Variants in DOCK10 observed in about 807,000 individuals in gnomAD.
DOCK10 encodes dedicator of cytokinesis protein 10.
DOCK10 carries 145 observed loss-of-function variants against 280.1 expected under a neutral mutation model. The ratio of observed to expected loss-of-function variants is 0.52; its 90% CI spans 0.45 to 0.59. DOCK10 has a LOEUF of 0.59. Ranked by LOEUF, DOCK10 falls within the 20% of genes least tolerant of loss-of-function variation. The probability of loss-of-function intolerance (pLI) is 0.00; values close to 1 mark genes in which losing one functional copy is unlikely to be tolerated. For missense variants in DOCK10, 2,368 were observed against 2,651.7 expected, an observed-to-expected ratio of 0.89 and a Z score of 2.35; for synonymous variants, 915 against 942.2, an observed-to-expected ratio of 0.97 and a Z score of 0.53.
At position 224,856,878 on chromosome 2, in the gene DOCK10, A is replaced by T; in HGVS notation, c.1790T>A (p.Leu597Gln). Residue 597 changes from leucine (L) to glutamine (Q), a missense_variant, in exon 15 of 56, where the codon CTA becomes CAA. By Grantham distance (113) the Leu-to-Gln change is moderately radical (BLOSUM62 -2). Around this residue, in one of 2 missense-constraint regions of DOCK10, gnomAD observed 1,209 missense variants for 1,250.9 expected, o/e 0.97. Coordinates refer to ENST00000258390, the MANE Select transcript of DOCK10 (RefSeq NM_014689.3). ...SKISTEDLVK[L>Q]VSDYRRADRI... is the part of the protein sequence containing the mutation. ...AACATACCTTCTATAATCTGATACT[A>T]GTTTAACTAGGTCCTCAGTTGAAAT... The T allele has an allele frequency of 6.2e-7, 1 of 1,611,098 alleles. No individual in the cohort carries two copies. The highest frequency in any genetic ancestry group is 8.5e-7 in the Non-Finnish European group (1 of 1,178,026).
At chr2:224,908,012 T>A (rs1700762615) in intron 3 of DOCK10, among the ~76,000 whole-genome samples, 1 of 152,178 alleles carries the variant, frequency 6.6e-6, no homozygotes. Flanking sequence ...AAGACAGTCT[T>A]GATGGATATT....
chr2:224,988,638 T>C (rs1706039516), intron 1 of DOCK10, among the ~76,000 whole-genome samples: 1 of 152,096 alleles, frequency 6.6e-6, no homozygotes. Flanking sequence ...CCCTGGAAAA[T>C]TCCCTTTGAG....
At chr2:224,800,084 G>C (rs894649513) in intron 41 of DOCK10, 67 bp downstream of exon 41, 10 of 907,914 alleles carry the variant, frequency 1.1e-5, no homozygotes, top group Non-Finnish European at 1.7e-5. Context: ...CCATGTTTTT[G>C]ACTTCACATG....
At chr2:224,860,182 C>T (rs772973867) in intron 14 of DOCK10, among the ~76,000 whole-genome samples, 5 of 152,170 alleles carry the variant, frequency 3.3e-5, no homozygotes, top group Non-Finnish European at 7.4e-5. Context: ...CTAGAGACTT[C>T]ATCTGTCTTT....
At chr2:224,959,221 T>C (rs1042706490) in intron 1 of DOCK10, among the ~76,000 whole-genome samples, 1 of 152,162 alleles carries the variant, frequency 6.6e-6, no homozygotes, top group Admixed American at 6.5e-5. Flanking sequence ...GAGGAGAGCA[T>C]TGGATGGCAT....
chr2:224,820,386 A>T (rs937712237), intron 28 of DOCK10, among the ~76,000 whole-genome samples: 1 of 152,234 alleles, frequency 6.6e-6, no homozygotes, highest in African/African-American at 2.4e-5. Context: ...GGAAGGGACC[A>T]TAGTTCCCAA....
chr2:224,917,099 A>ATTTTTTTTT (rs1559754057), intron 2 of DOCK10, among the ~76,000 whole-genome samples: 43 of 60,242 alleles, frequency 7.1e-4, no homozygotes, highest in South Asian at 1.2e-3. Flanking sequence ...TTCTATTGGA[A>ATTTTTTTTT]TCTTTTTTTT....
chr2:225,019,238 T>C (rs1489203703), intron 1 of DOCK10, among the ~76,000 whole-genome samples: 1 of 151,990 alleles, frequency 6.6e-6, no homozygotes, highest in African/African-American at 2.4e-5. Flanking sequence ...CGCTATCCTG[T>C]GTGGGATCTT....
At chr2:225,009,212 T>G (rs959192752) in intron 1 of DOCK10, among the ~76,000 whole-genome samples, 2 of 152,164 alleles carry the variant, frequency 1.3e-5, no homozygotes, top group African/African-American at 4.8e-5. Flanking sequence ...ATTTTATGTC[T>G]TCACAAAAAG....
Position 224,770,619 on chromosome 2 carries a change from T to C in DOCK10, c.6231A>G (p.Ala2077=), listed in dbSNP as rs781352125. Residue 2077 remains alanine (A), a synonymous_variant, in exon 54 of 56, where the codon GCA becomes GCG. Coordinates refer to ENST00000258390, the MANE Select transcript of DOCK10 (RefSeq NM_014689.3). The surrounding 1 kb of genome is among the most constrained non-coding windows in gnomAD (Gnocchi z 4.5). ...CATTGGTTTCTTCAAGAAAAGCTCG[T>C]GCATAGGCCATTGGCCCAGCATTAA... ...VKVNAGPMAY[A]RAFLEETNAK... is the part of the protein sequence containing the mutation. 4 of 1,613,946 alleles carry C rather than the reference T, an allele frequency of 2.5e-6. 1 individual carries two copies. The highest frequency in any genetic ancestry group is 1.6e-4 in the Middle Eastern group (1 of 6,062).
intron 3 of DOCK10, among the ~76,000 whole-genome samples, chr2:224,912,613 A>C (rs1484398203): frequency 2.0e-5 from 3 of 152,176 alleles, no homozygotes; most frequent in African/African-American, 7.2e-5. Flanking sequence ...TGATGTGTGC[A>C]TTCTTTTATA....
chr2:224,772,413 C>T (rs1003895943), intron 53 of DOCK10, among the ~76,000 whole-genome samples: 4 of 152,162 alleles, frequency 2.6e-5, no homozygotes, highest in Admixed American at 6.5e-5. Flanking sequence ...GTGCCTTACT[C>T]ACCTCACCTG....
At chr2:225,026,131 G>A (rs1689915166) in intron 1 of DOCK10, among the ~76,000 whole-genome samples, 1 of 152,122 alleles carries the variant, frequency 6.6e-6, no homozygotes, top group Non-Finnish European at 1.5e-5. Flanking sequence ...ACGGGCCTGA[G>A]TGGCATCCTT....
chr2:224,894,241 T>C (rs1699860312), intron 4 of DOCK10, among the ~76,000 whole-genome samples: 2 of 152,226 alleles, frequency 1.3e-5, no homozygotes, highest in African/African-American at 4.8e-5. Flanking sequence ...TGGTTTTTTC[T>C]AGAGATGCTT....
At chr2:224,845,706 C>T (rs1363411305) in intron 19 of DOCK10, 64 bp from the exon 20 acceptor site, 12 of 1,440,444 alleles carry the variant, frequency 8.3e-6, no homozygotes, top group South Asian at 6.4e-5. Context: ...CAGAGCAAGA[C>T]AAAGCATAGC....
chr2:224,853,168 T>C lies in DOCK10; in HGVS notation c.1889-46A>G, dbSNP rs1261191189. ...GAGTTTGTCATTTAATATGGTTCTT[T>C]TAAAGTGAACAATAGTTAACATGTT... On this transcript the variant is annotated intron_variant, in intron 16 of 55. Coordinates refer to ENST00000258390, the MANE Select transcript of DOCK10 (RefSeq NM_014689.3). 3.4e-6 allele frequency: 5 copies of C among 1,468,342 alleles called. No individual in the cohort carries two copies. The African/African-American group carries it at 7.0e-5, about 21-fold the overall frequency. 91.0% of individuals were successfully genotyped at this position (1,468,342 alleles called of 1,614,324 possible).
Position 224,970,415 on chromosome 2 carries a change from A to G in DOCK10, c.124-38747T>C, listed in dbSNP as rs181234167. Among the ~76,000 whole-genome samples, 10 of 152,324 alleles carry G rather than the reference A, an allele frequency of 6.6e-5. No homozygotes were observed. The East Asian group carries it at 1.9e-3, about 29-fold the overall frequency. ...AACTCAGGGAATTATCCGAAGTCCT[A>G]CAGTTCTCAAAAGGCACAACAAGCC... On this transcript the variant is annotated intron_variant, in intron 1 of 55. Coordinates refer to ENST00000258390, the MANE Select transcript of DOCK10 (RefSeq NM_014689.3). This position sits in a 1 kb window ranked among gnomAD's most constrained non-coding sequence, Gnocchi z 4.6.
intron 52 of DOCK10, among the ~76,000 whole-genome samples, chr2:224,774,473 G>C (rs569964087): frequency 6.6e-6 from 1 of 152,202 alleles, no homozygotes; most frequent in Non-Finnish European, 1.5e-5. Context: ...AGAGCACATC[G>C]AGGGATATTG....
At chr2:224,790,113 G>A (rs1692063062) in intron 47 of DOCK10, among the ~76,000 whole-genome samples, 1 of 152,152 alleles carries the variant, frequency 6.6e-6, no homozygotes, top group Non-Finnish European at 1.5e-5. Context: ...TTTACATTAT[G>A]TAGAAACCTT....
Sources: allele counts gnomAD v4.1 joint callset (sites outside exome capture counted in the v4.1 genomes callset), GRCh38; gene constraint gnomAD v4.1.1; regional missense constraint gnomAD v4.1.1; non-coding constraint Gnocchi (gnomAD v3.1); transcripts MANE v1.5; gene names NCBI Gene and HGNC (gene_info 2026-07-23, HGNC 2026-07-21).